Variants in DACH2 observed in about 807,000 individuals in gnomAD.
DACH2 encodes the protein dachshund family transcription factor 2, also known as dachshund homolog 2.
Under a neutral mutation model 35.8 loss-of-function variants are expected in DACH2, and 17 were observed. The observed-to-expected ratio is 0.48, with a 90% CI of 0.33 to 0.71. The LOEUF (loss-of-function observed/expected upper bound fraction) is 0.71, where lower values mean the gene tolerates loss of function less well. Ranked by LOEUF, DACH2 falls within the 30% of genes least tolerant of loss-of-function variation. DACH2 has a pLI of 0.02. For synonymous variants in DACH2, 195 were observed against 177.3 expected (o/e 1.10, Z -0.79); for missense variants, 469 against 472.7 (o/e 0.99, Z 0.07).
intron 2 of DACH2, among the ~76,000 whole-genome samples, chrX:86,457,922 G>A (rs908055737): frequency 8.9e-6 from 1 of 111,863 alleles, no homozygotes; most frequent in African/African-American, 3.2e-5. Flanking sequence ...ATTTGCTTGG[G>A]GGTTGACAGA....
At chrX:86,534,835 G>T (rs147201438) in intron 3 of DACH2, among the ~76,000 whole-genome samples, 6,912 of 111,006 alleles carry the variant, frequency 0.062, 558 homozygotes, top group African/African-American at 0.21. Flanking sequence ...TTCAATTTAT[G>T]CCTTTTAAGT....
At chrX:86,205,418 C>G (rs1367152572) in intron 1 of DACH2, among the ~76,000 whole-genome samples, 2 of 77,248 alleles carry the variant, frequency 2.6e-5, no homozygotes, top group African/African-American at 1.0e-4. Flanking sequence ...CCTTTCCTTC[C>G]TTCCTTCCCT....
At chrX:86,778,049 A>C (rs1261289089) in intron 7 of DACH2, among the ~76,000 whole-genome samples, 1 of 111,826 alleles carries the variant, frequency 8.9e-6, no homozygotes, top group East Asian at 2.8e-4. Context: ...TAGATGGCCA[A>C]TTAGGTTGAT....
At chrX:86,225,891 T>C in intron 1 of DACH2, among the ~76,000 whole-genome samples, 1 of 111,546 alleles carries the variant, frequency 9.0e-6, no homozygotes. Context: ...GATGGCCAAA[T>C]GAAGGCTATA....
intron 1 of DACH2, among the ~76,000 whole-genome samples, chrX:86,227,673 T>C (rs1178389164): frequency 1.8e-5 from 2 of 109,059 alleles, no homozygotes; most frequent in African/African-American, 6.7e-5. Context: ...ACCACTTACA[T>C]TGCACCCTTC....
At chrX:86,615,457 C>T (rs1274409672) in intron 3 of DACH2, among the ~76,000 whole-genome samples, 1 of 111,321 alleles carries the variant, frequency 9.0e-6, no homozygotes, top group Non-Finnish European at 1.9e-5. Context: ...GGTCTGGTGG[C>T]AGAACTGGAC....
chrX:86,462,960 T>C (rs2037601498), intron 2 of DACH2, among the ~76,000 whole-genome samples: 1 of 111,686 alleles, frequency 9.0e-6, no homozygotes, highest in African/African-American at 3.2e-5. Flanking sequence ...GATCCTATTT[T>C]ATTTATAAAC....
At chrX:86,410,628 C>T (rs952029495) in intron 2 of DACH2, among the ~76,000 whole-genome samples, 2 of 110,944 alleles carry the variant, frequency 1.8e-5, no homozygotes, top group African/African-American at 6.6e-5. Flanking sequence ...GCTCTGGTGA[C>T]ATCTTTTCAG....
intron 1 of DACH2, chrX:86,160,804 C>T (rs768668364): frequency 2.5e-5 from 12 of 475,326 alleles, no homozygotes; most frequent in East Asian, 2.1e-4. Flanking sequence ...GTTGTAACAT[C>T]GACTGCAGCA....
chrX:86,276,684 T>C (rs778435876), intron 1 of DACH2, among the ~76,000 whole-genome samples: 1 of 112,170 alleles, frequency 8.9e-6, no homozygotes, highest in East Asian at 2.8e-4. Context: ...TTATCTTTAA[T>C]CATTTCGATT....
At chrX:86,516,922 T>C (rs1189675499) in intron 3 of DACH2, among the ~76,000 whole-genome samples, 1 of 111,898 alleles carries the variant, frequency 8.9e-6, no homozygotes, top group Non-Finnish European at 1.9e-5. Flanking sequence ...TATTCCATGG[T>C]GTATATATAC....
At chrX:86,493,772 T>C (rs1243824124) in intron 2 of DACH2, among the ~76,000 whole-genome samples, 4 of 111,997 alleles carry the variant, frequency 3.6e-5, no homozygotes, top group Non-Finnish European at 5.6e-5. Flanking sequence ...GATAGTAAAA[T>C]AATTTAAACT....
At chrX:86,333,424 G>A (rs1453920053) in intron 1 of DACH2, among the ~76,000 whole-genome samples, 1 of 111,465 alleles carries the variant, frequency 9.0e-6, no homozygotes, top group East Asian at 2.8e-4. Flanking sequence ...CTATGGGAAG[G>A]AGTGACCTTG....
intron 3 of DACH2, among the ~76,000 whole-genome samples, chrX:86,565,927 T>C (rs2039287203): frequency 3.6e-5 from 4 of 112,178 alleles, no homozygotes; most frequent in South Asian, 7.2e-4. Context: ...TTGGAAGTTA[T>C]GGTTTGTGTA....
chrX:86,826,245 A>C (rs2042561380), intron 11 of DACH2, among the ~76,000 whole-genome samples: 2 of 111,368 alleles, frequency 1.8e-5, no homozygotes, highest in South Asian at 3.7e-4. Context: ...GATTCAATAA[A>C]GGGGAAAGGG....
At chrX:86,160,774 T>C in intron 1 of DACH2, 1 of 468,931 alleles carries the variant, frequency 2.1e-6, no homozygotes, top group South Asian at 3.3e-5. Flanking sequence ...TCCTGGTGCA[T>C]TTCAACAGAC....
intron 7 of DACH2, among the ~76,000 whole-genome samples, chrX:86,784,975 A>T (rs902564589): frequency 1.8e-5 from 2 of 110,834 alleles, no homozygotes; most frequent in Non-Finnish European, 3.8e-5. Flanking sequence ...AGTGCCTGCT[A>T]GAGGGTGGAG....
chrX:86,633,012 G>A (rs2040220242), intron 3 of DACH2, among the ~76,000 whole-genome samples: 1 of 109,208 alleles, frequency 9.2e-6, no homozygotes, highest in Non-Finnish European at 1.9e-5. Flanking sequence ...ACCAAATGTT[G>A]CACCTCAAGA....
At chrX:86,524,382 C>A (rs527850393) in intron 3 of DACH2, among the ~76,000 whole-genome samples, 1 of 111,892 alleles carries the variant, frequency 8.9e-6, no homozygotes, top group South Asian at 3.7e-4. Flanking sequence ...TTTAAATGAG[C>A]AATATTGGAA....
Sources: allele counts gnomAD v4.1 joint callset (sites outside exome capture counted in the v4.1 genomes callset), GRCh38; gene constraint gnomAD v4.1.1; transcripts MANE v1.5; gene names NCBI Gene and HGNC (gene_info 2026-07-23, HGNC 2026-07-21).